The following MSI2 variants were observed in gnomAD, a reference collection of about 807,000 sequenced individuals.
MSI2 encodes the protein musashi RNA binding protein 2.
Under a neutral mutation model 45.6 loss-of-function variants are expected in MSI2, and 17 were observed. The observed-to-expected ratio is 0.37, with a 90% CI of 0.26 to 0.56. The LOEUF (loss-of-function observed/expected upper bound fraction) is 0.56, where lower values mean the gene tolerates loss of function less well. Among genes scored for constraint, MSI2 ranks in the 20% least tolerant of loss-of-function variants. The pLI is 0.77. For missense variants in MSI2, 293 were observed against 444.2 expected (o/e 0.66, Z 3.06); for synonymous variants, 156 against 158.2 (o/e 0.99, Z 0.11).
intron 8 of MSI2, among the ~76,000 whole-genome samples, chr17:57,597,699 C>T (rs975530852): frequency 5.3e-5 from 8 of 152,134 alleles, no homozygotes; most frequent in Non-Finnish European, 7.4e-5. Context: ...GGCAGAAGGG[C>T]GGGATTTGAC....
In MSI2 at chr17:57,392,894, A is replaced by G. The variant is rs186720152; in HGVS notation, c.313-8485A>G. On this transcript the variant is annotated intron_variant, in intron 5 of 13. Coordinates refer to ENST00000284073, the MANE Select transcript of MSI2 (RefSeq NM_138962.4). ...TTTTTTTTGACAGCTTTATTGAGAT[A>G]TAATTCAAATACCATATAATTCACT... 2.6e-5 allele frequency among the ~76,000 whole-genome samples: 4 copies of G among 152,230 alleles called. No individual in the cohort carries two copies. In the East Asian group the frequency reaches 5.8e-4, roughly 22 times the overall value.
downstream of MSI2, among the ~76,000 whole-genome samples, chr17:57,688,821 T>G (rs1018509580): frequency 5.3e-5 from 8 of 151,976 alleles, no homozygotes; most frequent in Non-Finnish European, 1.2e-4. Flanking sequence ...TAGGAAGAGG[T>G]GACATGCTGA....
At chr17:57,458,226 G>A (rs190895909) in intron 6 of MSI2, among the ~76,000 whole-genome samples, 7 of 150,408 alleles carry the variant, frequency 4.7e-5, no homozygotes, top group South Asian at 2.1e-4. Flanking sequence ...TCAGCCTCCC[G>A]AGTAGCTGGG....
chr17:57,693,923 G>A, the MSI2 span, among the ~76,000 whole-genome samples: 1 of 152,156 alleles, frequency 6.6e-6, no homozygotes, highest in African/African-American at 2.4e-5. Flanking sequence ...AGTTAAGAAT[G>A]GTTTTTATAT....
At chr17:57,605,407 G>A (rs978125504) in intron 8 of MSI2, among the ~76,000 whole-genome samples, 1 of 152,212 alleles carries the variant, frequency 6.6e-6, no homozygotes, top group Admixed American at 6.5e-5. Context: ...GTCCTCTGGC[G>A]ATGTCAGTGT....
intron 6 of MSI2, among the ~76,000 whole-genome samples, chr17:57,474,170 C>T (rs1038406788): frequency 1.3e-5 from 2 of 152,030 alleles, no homozygotes; most frequent in East Asian, 1.9e-4. Flanking sequence ...AATGGGCCAC[C>T]GGTACTGTTT....
chr17:57,605,294 C>T (rs1266825882), intron 8 of MSI2, among the ~76,000 whole-genome samples: 1 of 152,140 alleles, frequency 6.6e-6, no homozygotes, highest in Non-Finnish European at 1.5e-5. Flanking sequence ...TGGGGGAGGC[C>T]GGGTGGTTCG....
chr17:57,264,266 T>C (rs1907577493), intron 5 of MSI2: 1 of 152,202 alleles, frequency 6.6e-6, no homozygotes, highest in Non-Finnish European at 1.5e-5. Flanking sequence ...ACCTTCGTTT[T>C]TCCATCTCAT....
intron 5 of MSI2, among the ~76,000 whole-genome samples, chr17:57,329,094 G>T (rs1050255007): frequency 1.3e-5 from 2 of 152,088 alleles, no homozygotes; most frequent in Non-Finnish European, 2.9e-5. Flanking sequence ...GCTGGTGTGT[G>T]CCCTGAGATG....
chr17:57,524,546 C>T (rs549477284), intron 6 of MSI2, among the ~76,000 whole-genome samples: 2 of 152,320 alleles, frequency 1.3e-5, no homozygotes, highest in South Asian at 2.1e-4. Flanking sequence ...TAGATCTAGA[C>T]ATGAGTTTAT....
chr17:57,266,953 C>T (rs1907845169), intron 5 of MSI2: 1 of 152,382 alleles, frequency 6.6e-6, no homozygotes, highest in Non-Finnish European at 1.5e-5. Flanking sequence ...CTGGAAGGTT[C>T]TCTGCTAAGC....
In MSI2 at chr17:57,426,216, T is replaced by C. The variant is rs550573649; in HGVS notation, c.405+24745T>C. On this transcript the variant is annotated intron_variant, in intron 6 of 13. Transcript: ENST00000284073. ...GTTTAGTCGTGATTTTTAATGGGTT[T>C]TTGATCATTGTTCCTAGCTGCATAC... Among the ~76,000 whole-genome samples the C allele has an allele frequency of 4.6e-5, 7 of 152,336 alleles. No individual in the cohort carries two copies. The South Asian group carries it at 1.4e-3, about 32-fold the overall frequency.
chr17:57,401,519 C>G, intron 6 of MSI2, 48 bp downstream of exon 6: 1 of 1,499,404 alleles, frequency 6.7e-7, no homozygotes, highest in Non-Finnish European at 9.3e-7. Context: ...GTAGCCTCAT[C>G]AGTCCTAAGA....
intron 5 of MSI2, among the ~76,000 whole-genome samples, chr17:57,344,823 G>T (rs1170289816): frequency 6.6e-6 from 1 of 152,152 alleles, no homozygotes; most frequent in Non-Finnish European, 1.5e-5. Flanking sequence ...CAAAAGACTG[G>T]CCTACCCGAG....
intron 6 of MSI2, among the ~76,000 whole-genome samples, chr17:57,456,419 C>G (rs1413249709): frequency 6.6e-6 from 1 of 152,128 alleles, no homozygotes; most frequent in African/African-American, 2.4e-5. Flanking sequence ...ACCAGCCTGG[C>G]CAAGATGGTG....
At chr17:57,478,485 G>T (rs1021249229) in intron 6 of MSI2, among the ~76,000 whole-genome samples, 1 of 152,176 alleles carries the variant, frequency 6.6e-6, no homozygotes, top group African/African-American at 2.4e-5. Context: ...AGAAAGGAAA[G>T]TCCACAGGCC....
rs117210760 is a variant in MSI2, at chr17:57,562,408, A to T, written c.454+32684A>T. Among the ~76,000 whole-genome samples the T allele has an allele frequency of 9.8e-3, 1,493 of 152,228 alleles. 14 individuals carry two copies. The highest frequency in any genetic ancestry group is 0.015 in the Non-Finnish European group (1,004 of 67,998). ...AGGCATTGCCTGCTGGTCCCAAGCA[A>T]CTCCTACCCTGGGCACTGGTGTTGC... is the stretch of plus-strand genomic sequence containing the variant. On this transcript the variant is annotated intron_variant, in intron 7 of 13. Coordinates refer to ENST00000284073, the MANE Select transcript of MSI2 (RefSeq NM_138962.4).
chr17:57,432,451 CAT>C (rs2084614486), intron 6 of MSI2: 1 of 152,400 alleles, frequency 6.6e-6, no homozygotes, highest in Non-Finnish European at 1.5e-5. Flanking sequence ...GACGCAGTCA[CAT>C]GTGGGCATTT....
chr17:57,497,613 C>T (rs1368805487), intron 6 of MSI2, among the ~76,000 whole-genome samples: 1 of 152,154 alleles, frequency 6.6e-6, no homozygotes, highest in Non-Finnish European at 1.5e-5. Flanking sequence ...TAGTCCTGTA[C>T]TTTTTTTAAA....
Sources: gnomAD v4.1 joint callset for allele counts (sites outside exome capture counted in the v4.1 genomes callset) on GRCh38, gnomAD v4.1.1 for gene constraint, MANE v1.5 for transcripts, NCBI Gene and HGNC (gene_info 2026-07-23, HGNC 2026-07-21) for gene names.